The following GABRG3 variants were observed in gnomAD, a reference collection of about 807,000 sequenced individuals.
GABRG3 encodes the protein gamma-aminobutyric acid type A receptor subunit gamma3, also known as gamma-aminobutyric acid receptor subunit gamma-3.
GABRG3 carries 25 observed loss-of-function variants against 48.8 expected under a neutral mutation model. The ratio of observed to expected loss-of-function variants is 0.51; its 90% CI spans 0.37 to 0.72. The LOEUF (loss-of-function observed/expected upper bound fraction) is 0.72. Ranked by LOEUF, GABRG3 falls within the 30% of genes least tolerant of loss-of-function variation. The probability of loss-of-function intolerance (pLI) is 0.00; values close to 1 mark genes in which losing one functional copy is unlikely to be tolerated. For missense variants in GABRG3, 394 were observed against 577.9 expected, an observed-to-expected ratio of 0.68 and a Z score of 3.26; for synonymous variants, 227 against 217.6, an observed-to-expected ratio of 1.04 and a Z score of -0.38.
intron 3 of GABRG3, among the ~76,000 whole-genome samples, chr15:27,325,843 G>A (rs1293507822): frequency 6.6e-6 from 1 of 152,002 alleles, no homozygotes; most frequent in Non-Finnish European, 1.5e-5. Flanking sequence ...CAGTGGAAAG[G>A]GTAAATATGA....
At chr15:27,380,763 G>GTTTT (rs71132807) in intron 5 of GABRG3, among the ~76,000 whole-genome samples, 1 of 115,210 alleles carries the variant, frequency 8.7e-6, no homozygotes, top group Non-Finnish European at 1.8e-5. Context: ...GTTCTGTGTG[G>GTTTT]TTTTTTTTTT....
rs141784701 is a variant in GABRG3 at position 27,288,523 on chromosome 15, C to G, written c.271-38286C>G. On this transcript the variant is annotated intron_variant, in intron 3 of 9. Transcript: ENST00000615808. ...GCAGTTCACAATAGGGTTCATGCTC[C>G]TCTAAGAATCTAATGCTGCCACTGA... 5.2e-3 allele frequency among the ~76,000 whole-genome samples: 795 copies of G among 152,008 alleles called. 10 individuals are homozygous for G. Among genetic ancestry groups the G allele is most frequent in the African/African-American group, 0.018 (762 of 41,454 alleles).
intron 3 of GABRG3, among the ~76,000 whole-genome samples, chr15:27,136,864 C>T (rs554215639): frequency 6.6e-6 from 1 of 152,256 alleles, no homozygotes; most frequent in South Asian, 2.1e-4. Flanking sequence ...ATGACTGCTA[C>T]AGCCCTAACC....
chr15:27,295,983 C>A (rs1364001943), intron 3 of GABRG3, among the ~76,000 whole-genome samples: 3 of 152,098 alleles, frequency 2.0e-5, no homozygotes, highest in African/African-American at 7.2e-5. Context: ...TGGTGTGGAA[C>A]CTTCGTCCTA....
At chr15:27,351,892 T>C (rs1270755939) in intron 5 of GABRG3, among the ~76,000 whole-genome samples, 1 of 150,652 alleles carries the variant, frequency 6.6e-6, no homozygotes, top group Non-Finnish European at 1.5e-5. Flanking sequence ...GATGTGTGTG[T>C]ATGGTGTATG....
At chr15:27,493,547 T>C (rs1890408670) in intron 6 of GABRG3, among the ~76,000 whole-genome samples, 1 of 152,190 alleles carries the variant, frequency 6.6e-6, no homozygotes. Context: ...GAATTAAAAC[T>C]TCAAACAAGT....
intron 3 of GABRG3, among the ~76,000 whole-genome samples, chr15:27,100,210 CCT>C (rs1319498628): frequency 5.0e-5 from 5 of 100,754 alleles, no homozygotes; most frequent in Non-Finnish European, 7.5e-5. Context: ...AGAGCAAGAC[CCT>C]GTCTCAAAAA....
At chr15:27,136,089 A>C (rs566245315) in intron 3 of GABRG3, among the ~76,000 whole-genome samples, 1 of 152,322 alleles carries the variant, frequency 6.6e-6, no homozygotes, top group East Asian at 1.9e-4. Flanking sequence ...CAGCTCCTTA[A>C]TGTCCTGAAG....
intron 3 of GABRG3, among the ~76,000 whole-genome samples, chr15:27,117,571 C>T (rs1317116410): frequency 6.6e-6 from 1 of 152,146 alleles, no homozygotes; most frequent in Non-Finnish European, 1.5e-5. Flanking sequence ...TCAAAAACGT[C>T]ATAGAAAATG....
At chr15:27,001,952 A>G (rs1383191700) in intron 2 of GABRG3, among the ~76,000 whole-genome samples, 4 of 139,348 alleles carry the variant, frequency 2.9e-5, no homozygotes, top group African/African-American at 1.1e-4. Context: ...TTTGGGTATT[A>G]TGATGTAGAT....
intron 2 of GABRG3, among the ~76,000 whole-genome samples, chr15:27,020,834 A>G (rs1261471947): frequency 3.3e-5 from 5 of 152,158 alleles, no homozygotes; most frequent in South Asian, 2.1e-4. Flanking sequence ...GTTGTAACAG[A>G]TGATTATTTT....
chr15:27,453,091 A>G (rs1889157355), intron 5 of GABRG3, among the ~76,000 whole-genome samples: 1 of 152,252 alleles, frequency 6.6e-6, no homozygotes, highest in Admixed American at 6.5e-5. Context: ...AAAAGAGTCC[A>G]ACTCCTAGAA....
intron 3 of GABRG3, among the ~76,000 whole-genome samples, chr15:27,073,867 C>T (rs930040876): frequency 1.3e-5 from 2 of 152,212 alleles, no homozygotes; most frequent in South Asian, 2.1e-4. Flanking sequence ...TGGTTGTTCA[C>T]ATGGATTTCC....
chr15:27,132,772 G>T, intron 3 of GABRG3, among the ~76,000 whole-genome samples: 1 of 149,670 alleles, frequency 6.7e-6, no homozygotes, highest in South Asian at 2.1e-4. Context: ...TTATTTTGTT[G>T]ATTTTTTTTC....
chr15:27,265,058 C>A (rs1400789466), intron 3 of GABRG3, among the ~76,000 whole-genome samples: 2 of 152,136 alleles, frequency 1.3e-5, no homozygotes, highest in African/African-American at 4.8e-5. Context: ...CACAGCCTAA[C>A]AACCTTATAA....
chr15:27,105,560 G>T lies in GABRG3; in HGVS notation c.270+78739G>T, dbSNP rs563628003. On this transcript the variant is annotated intron_variant, in intron 3 of 9. Transcript: ENST00000615808. ...ATTGAAATCATAAAGAATTTGTTCT[G>T]CAACCATCATGTAATCGGACTAGAA... Among the ~76,000 whole-genome samples the T allele has an allele frequency of 5.3e-5, 8 of 152,234 alleles. No homozygotes were observed. The East Asian group carries it at 1.5e-3, about 29-fold the overall frequency.
At chr15:27,294,944 A>C (rs575862937) in intron 3 of GABRG3, 1 of 152,368 alleles carries the variant, frequency 6.6e-6, no homozygotes, top group South Asian at 2.1e-4. Flanking sequence ...CGCCCTCGTC[A>C]GAACCCAGAA....
At chr15:27,300,821 G>T (rs886737357) in intron 3 of GABRG3, among the ~76,000 whole-genome samples, 1 of 151,628 alleles carries the variant, frequency 6.6e-6, no homozygotes, top group Non-Finnish European at 1.5e-5. Context: ...TGTAGGATAT[G>T]CTGGGCACGG....
intron 7 of GABRG3, among the ~76,000 whole-genome samples, chr15:27,522,501 G>T (rs896534223): frequency 6.6e-6 from 1 of 151,624 alleles, no homozygotes; most frequent in Non-Finnish European, 1.5e-5. Context: ...ATTGCAAGAT[G>T]GGACTTATGA....
Sources: allele counts gnomAD v4.1 joint callset (sites outside exome capture counted in the v4.1 genomes callset), GRCh38; gene constraint gnomAD v4.1.1; transcripts MANE v1.5; gene names NCBI Gene and HGNC (gene_info 2026-07-23, HGNC 2026-07-21).